The following MCPH1 variants were observed in gnomAD, a reference collection of about 807,000 sequenced individuals.
MCPH1 encodes microcephalin.
A neutral mutation model predicts 84.5 loss-of-function variants in MCPH1; 104 were observed. The observed-to-expected ratio is 1.23, with a 90% CI of 1.05 to 1.45. MCPH1 has a LOEUF of 1.45. MCPH1 is among the 40% of genes most tolerant of loss of function. MCPH1 has a pLI of 0.00. For synonymous variants in MCPH1, 514 were observed against 366.8 expected (o/e 1.40, Z -4.58); for missense variants, 1,498 against 1,005.7 (o/e 1.49, Z -6.62).
chr8:6,562,937 T>C (rs1825782186), intron 12 of MCPH1: 3 of 1,579,616 alleles, frequency 1.9e-6, no homozygotes, highest in Non-Finnish European at 2.6e-6. Context: ...TGCCACATTC[T>C]TTCTTCAGTA....
intron 12 of MCPH1, among the ~76,000 whole-genome samples, chr8:6,615,042 C>T (rs990908407): frequency 1.3e-5 from 2 of 152,216 alleles, no homozygotes; most frequent in Non-Finnish European, 2.9e-5. Flanking sequence ...GCTCACACTG[C>T]GTAAGCACGA....
At chr8:6,627,957 T>C (rs1796869470) in intron 13 of MCPH1, among the ~76,000 whole-genome samples, 2 of 152,008 alleles carry the variant, frequency 1.3e-5, no homozygotes, top group African/African-American at 4.8e-5. Context: ...AAAAATTAAC[T>C]AACTGCTAGC....
At chr8:6,447,168 CT>C (rs1293133210) in intron 8 of MCPH1, 2 of 985,402 alleles carry the variant, frequency 2.0e-6, no homozygotes, top group Non-Finnish European at 2.4e-6. Context: ...AAATCGAACC[CT>C]TTTATAGTAA....
chr8:6,606,500 A>G (rs1210158912), intron 12 of MCPH1, among the ~76,000 whole-genome samples: 1 of 152,156 alleles, frequency 6.6e-6, no homozygotes, highest in African/African-American at 2.4e-5. Context: ...AGTTGGAGGG[A>G]ACTTCCCTAG....
chr8:6,534,319 A>T (rs1263989712), intron 12 of MCPH1, among the ~76,000 whole-genome samples: 1 of 152,206 alleles, frequency 6.6e-6, no homozygotes, highest in East Asian at 1.9e-4. Context: ...CCTCGAGATG[A>T]TTTAGAGTAT....
intron 12 of MCPH1, among the ~76,000 whole-genome samples, chr8:6,512,860 T>C (rs572018479): frequency 4.6e-5 from 7 of 152,204 alleles, no homozygotes; most frequent in Non-Finnish European, 1.0e-4. Context: ...GTATTTCCTG[T>C]AGAGGAGAGC....
At chr8:6,532,201 C>A in intron 12 of MCPH1, 1 of 1,067,538 alleles carries the variant, frequency 9.4e-7, no homozygotes, top group Middle Eastern at 2.6e-4. Context: ...AATTTCTTAT[C>A]AATTCATTCC....
intron 12 of MCPH1, among the ~76,000 whole-genome samples, chr8:6,613,706 G>A (rs1830513126): frequency 6.6e-6 from 1 of 152,102 alleles, no homozygotes; most frequent in South Asian, 2.1e-4. Flanking sequence ...TGGAGATAGA[G>A]ACAGAGTCAT....
chr8:6,433,991 A>G (rs764191008), intron 4 of MCPH1, among the ~76,000 whole-genome samples: 9 of 152,046 alleles, frequency 5.9e-5, no homozygotes, highest in Middle Eastern at 3.4e-3. Flanking sequence ...TCTTCCCCCA[A>G]AATCCTTACA....
chr8:6,558,389 T>C (rs1277693589), intron 12 of MCPH1, among the ~76,000 whole-genome samples: 1 of 152,236 alleles, frequency 6.6e-6, no homozygotes, highest in Non-Finnish European at 1.5e-5. Flanking sequence ...ATTACTCCCA[T>C]GGCGGTAGAG....
At chr8:6,621,945 G>T (rs896106914) in intron 13 of MCPH1, among the ~76,000 whole-genome samples, 1 of 152,194 alleles carries the variant, frequency 6.6e-6, no homozygotes, top group African/African-American at 2.4e-5. Context: ...CCTGGCTCGT[G>T]TGAAAAATCC....
At chr8:6,428,148 T>A (rs887603020) in intron 3 of MCPH1, among the ~76,000 whole-genome samples, 4 of 152,212 alleles carry the variant, frequency 2.6e-5, no homozygotes, top group African/African-American at 4.8e-5. Flanking sequence ...TGTAATTTTT[T>A]AAATTTTTTT....
chr8:6,607,112 A>G (rs879753666), intron 12 of MCPH1, among the ~76,000 whole-genome samples: 4 of 152,220 alleles, frequency 2.6e-5, no homozygotes, highest in Non-Finnish European at 4.4e-5. Context: ...GAAAATCGCA[A>G]AAGCAGGAAG....
At chr8:6,430,426 T>A (rs1311884291) in intron 3 of MCPH1, among the ~76,000 whole-genome samples, 1 of 152,192 alleles carries the variant, frequency 6.6e-6, no homozygotes, top group Non-Finnish European at 1.5e-5. Flanking sequence ...GTTATAAAGA[T>A]AGTATTGACT....
At chr8:6,503,082 C>G (rs1376578415) in intron 12 of MCPH1, 2 of 1,613,988 alleles carry the variant, frequency 1.2e-6, no homozygotes, top group Non-Finnish European at 8.5e-7. Flanking sequence ...GAGACAGTTC[C>G]TCAGGTGGAC....
At chr8:6,475,065 A>G (rs1808264358) in intron 9 of MCPH1, among the ~76,000 whole-genome samples, 3 of 152,194 alleles carry the variant, frequency 2.0e-5, no homozygotes, top group African/African-American at 4.8e-5. Flanking sequence ...GATTCAATTT[A>G]TAGGTGTCTC....
intron 3 of MCPH1, among the ~76,000 whole-genome samples, chr8:6,430,494 C>T (rs534601216): frequency 6.6e-6 from 1 of 152,360 alleles, no homozygotes; most frequent in Non-Finnish European, 1.5e-5. Flanking sequence ...ACCCTAGTGT[C>T]ACTTACCACA....
At chr8:6,456,713 C>A (rs939787864) in intron 9 of MCPH1, among the ~76,000 whole-genome samples, 1 of 151,626 alleles carries the variant, frequency 6.6e-6, no homozygotes, top group Non-Finnish European at 1.5e-5. Flanking sequence ...TTGTTACTCA[C>A]CATAAAAATA....
At chr8:6,605,567 G>C (rs4592066) in intron 12 of MCPH1, among the ~76,000 whole-genome samples, 5 of 152,224 alleles carry the variant, frequency 3.3e-5, no homozygotes, top group African/African-American at 1.2e-4. Context: ...TGAGTAGCCA[G>C]ACCACATAGT....
Sources: gnomAD v4.1 joint callset for allele counts (sites outside exome capture counted in the v4.1 genomes callset) on GRCh38, gnomAD v4.1.1 for gene constraint, MANE v1.5 for transcripts, NCBI Gene and HGNC (gene_info 2026-07-23, HGNC 2026-07-21) for gene names.